HIVEP3: variants seen among roughly 807,000 people sequenced by gnomAD.
HIVEP3 encodes the protein transcription factor HIVEP3.
In HIVEP3, 49 loss-of-function variants were observed where a neutral mutation model predicts 152.8. The observed-to-expected ratio is 0.32, with a 90% CI of 0.26 to 0.41. The LOEUF (loss-of-function observed/expected upper bound fraction) is 0.41, where lower values mean the gene tolerates loss of function less well. HIVEP3 is among the 10% of genes least tolerant of loss of function. The probability of loss-of-function intolerance (pLI) is 1.00; values close to 1 mark genes in which losing one functional copy is unlikely to be tolerated. For synonymous variants in HIVEP3, 1,269 were observed against 1,289.0 expected (o/e 0.98, Z 0.33); for missense variants, 2,790 against 3,103.3 (o/e 0.90, Z 2.40).
chr1:41,753,525 G>A (rs536783427), intron 1 of HIVEP3, among the ~76,000 whole-genome samples: 8 of 152,028 alleles, frequency 5.3e-5, no homozygotes, highest in East Asian at 3.9e-4. Context: ...AAAATTATCC[G>A]GGTGTGGTGG....
intron 1 of HIVEP3, among the ~76,000 whole-genome samples, chr1:42,014,923 T>C (rs1645513279): frequency 6.6e-6 from 1 of 152,212 alleles, no homozygotes; most frequent in Non-Finnish European, 1.5e-5. Context: ...AAGGTCTCAT[T>C]CTGTGGCTTT....
intron 1 of HIVEP3, among the ~76,000 whole-genome samples, chr1:41,783,854 A>G (rs1365722529): frequency 6.6e-6 from 1 of 152,214 alleles, no homozygotes; most frequent in African/African-American, 2.4e-5. Context: ...GTCTGTTAGG[A>G]CAAGTGGTCA....
At chr1:42,007,911 C>T (rs1312426115) in intron 1 of HIVEP3, among the ~76,000 whole-genome samples, 1 of 152,100 alleles carries the variant, frequency 6.6e-6, no homozygotes, top group East Asian at 1.9e-4. Context: ...TCTGTTTCTC[C>T]CTTTAGTTCT....
At chr1:41,585,969 C>T (rs575449825) in intron 3 of HIVEP3, among the ~76,000 whole-genome samples, 90 of 152,272 alleles carry the variant, frequency 5.9e-4, no homozygotes, top group African/African-American at 2.0e-3. Flanking sequence ...ATTGCTAACC[C>T]GCACCCCAGC....
At chr1:41,619,462 G>T (rs1192510262) in intron 3 of HIVEP3, among the ~76,000 whole-genome samples, 1 of 152,234 alleles carries the variant, frequency 6.6e-6, no homozygotes. Flanking sequence ...GCATGTGTGT[G>T]TAGTGACGAT....
chr1:42,017,737 G>T (rs1350425547), intron 1 of HIVEP3, among the ~76,000 whole-genome samples: 3 of 152,006 alleles, frequency 2.0e-5, no homozygotes, highest in African/African-American at 7.2e-5. Context: ...TCTTATATAT[G>T]TCTTCTGGCA....
At chr1:41,956,662 A>G (rs980260433) in intron 1 of HIVEP3, among the ~76,000 whole-genome samples, 2 of 152,262 alleles carry the variant, frequency 1.3e-5, no homozygotes, top group Non-Finnish European at 2.9e-5. Flanking sequence ...AGAGGCAATC[A>G]CTTCAGCAAT....
chr1:42,001,048 A>G (rs1645425258), intron 1 of HIVEP3, among the ~76,000 whole-genome samples: 1 of 152,230 alleles, frequency 6.6e-6, no homozygotes, highest in South Asian at 2.1e-4. Flanking sequence ...GCCAGAGCAC[A>G]GAGAGGTCAC....
chr1:41,964,357 G>C (rs1645186508), intron 1 of HIVEP3, among the ~76,000 whole-genome samples: 1 of 152,180 alleles, frequency 6.6e-6, no homozygotes, highest in Non-Finnish European at 1.5e-5. Context: ...GTGAGTGATT[G>C]TGCTACCCCA....
intron 1 of HIVEP3, among the ~76,000 whole-genome samples, chr1:41,857,663 A>G (rs983140815): frequency 2.6e-5 from 4 of 152,178 alleles, no homozygotes; most frequent in Non-Finnish European, 4.4e-5. Flanking sequence ...TTTTCACAAC[A>G]TGATGCCTAT....
intron 1 of HIVEP3, among the ~76,000 whole-genome samples, chr1:41,813,474 T>A (rs1446787400): frequency 6.6e-6 from 1 of 152,240 alleles, no homozygotes; most frequent in African/African-American, 2.4e-5. Context: ...ACAGGGTGCC[T>A]GAGAGACTGT....
Position 41,582,372 on chromosome 1 carries a change from G to A in HIVEP3, c.2426C>T (p.Ser809Phe), listed in dbSNP as rs1466909859. ...VIQHTSSFEKSDSLEQPSGLE... is the reference protein window; with the variant it reads ...VIQHTSSFEKFDSLEQPSGLE... ...GCCACTCGGCTGCTCGAGAGAATCA[G>A]ATTTCTCAAAGGAGCTGGTGTGCTG... Residue 809 changes from serine to phenylalanine, a missense_variant, in exon 4 of 9, where the codon TCT becomes TTT. Physicochemically the swap from Ser to Phe is radical, Grantham distance 155 (BLOSUM62 -2). Around this residue, in one of 9 missense-constraint regions of HIVEP3, gnomAD observed 1,078 missense variants for 1,165.3 expected, o/e 0.93. Transcript: ENST00000372583. This position sits in a 1 kb window ranked among gnomAD's most constrained non-coding sequence, Gnocchi z 4.7. 6.2e-7 allele frequency: 1 copy of A among 1,614,086 alleles called. No homozygotes were observed. Among genetic ancestry groups the A allele is most frequent in the Non-Finnish European group, 8.5e-7 (1 of 1,180,034 alleles).
intron 1 of HIVEP3, among the ~76,000 whole-genome samples, chr1:41,903,569 C>A (rs1644660736): frequency 6.6e-6 from 1 of 152,212 alleles, no homozygotes; most frequent in Non-Finnish European, 1.5e-5. Flanking sequence ...CAGGAGGGAC[C>A]AAGACATTTA....
At chr1:41,704,407 G>A (rs1037585046) in intron 1 of HIVEP3, among the ~76,000 whole-genome samples, 5 of 152,234 alleles carry the variant, frequency 3.3e-5, no homozygotes, top group African/African-American at 1.2e-4. Context: ...TGGGCTCCTG[G>A]GAAAGGTGGT....
intron 5 of HIVEP3, among the ~76,000 whole-genome samples, chr1:41,562,532 C>CCCTTCCTTCCTTCCTT (rs60530597): frequency 7.1e-6 from 1 of 141,788 alleles, no homozygotes; most frequent in African/African-American, 2.6e-5. Context: ...CCCTTCCCTT[C>CCCTTCCTTCCTTCCTT]CCTTCCTTCC....
intron 3 of HIVEP3, among the ~76,000 whole-genome samples, chr1:41,590,589 C>T (rs1173225970): frequency 6.6e-6 from 1 of 152,178 alleles, no homozygotes; most frequent in Non-Finnish European, 1.5e-5. Context: ...AGCCACCTGC[C>T]CCTGAGAGAG....
chr1:41,581,228 C>T lies in HIVEP3; in HGVS notation c.3570G>A (p.Pro1190=), dbSNP rs143962878. The T allele has an allele frequency of 1.5e-4, 240 of 1,574,284 alleles. 3 individuals are homozygous for T. In the Admixed American group the frequency reaches 3.9e-3, roughly 25 times the overall value. ...PLPPSLFQAP[P]LPLQPTVLHP... is the part of the protein sequence containing the mutation. Reference sequence around the variant, plus strand: ...GCAGAACAGTAGGCTGGAGAGGAAGCGGTGGGGCTTGAAATAAGGAGGGAG... The same window carrying T: ...GCAGAACAGTAGGCTGGAGAGGAAGTGGTGGGGCTTGAAATAAGGAGGGAG... Residue 1190 remains proline (P), a synonymous_variant, in exon 4 of 9, where the codon CCG becomes CCA. Coordinates refer to ENST00000372583, the MANE Select transcript of HIVEP3 (RefSeq NM_024503.5). This position sits in a 1 kb window ranked among gnomAD's most constrained non-coding sequence, Gnocchi z 4.5.
chr1:41,589,603 T>C (rs1168694596), intron 3 of HIVEP3, among the ~76,000 whole-genome samples: 2 of 152,266 alleles, frequency 1.3e-5, no homozygotes, highest in East Asian at 3.9e-4. Flanking sequence ...AGGTGGGAGA[T>C]GGGCTCTCTC....
At chr1:41,945,488 A>T (rs1233913221) in intron 1 of HIVEP3, among the ~76,000 whole-genome samples, 1 of 152,202 alleles carries the variant, frequency 6.6e-6, no homozygotes, top group Non-Finnish European at 1.5e-5. Context: ...GTTACTGCTA[A>T]ATCAGACACT....
Sources: allele counts gnomAD v4.1 joint callset (sites outside exome capture counted in the v4.1 genomes callset), GRCh38; gene constraint gnomAD v4.1.1; regional missense constraint gnomAD v4.1.1; non-coding constraint Gnocchi (gnomAD v3.1); transcripts MANE v1.5; gene names NCBI Gene and HGNC (gene_info 2026-07-23, HGNC 2026-07-21).